The following SMYD3 variants were observed in gnomAD, a reference collection of about 807,000 sequenced individuals.
SMYD3 encodes the protein histone-lysine N-methyltransferase SMYD3.
Under a neutral mutation model 57.7 loss-of-function variants are expected in SMYD3, and 36 were observed. That is an observed-to-expected ratio of 0.62 (90% confidence interval 0.48 to 0.82). The LOEUF is 0.82. Among genes scored for constraint, SMYD3 ranks in the 40% least tolerant of loss-of-function variants. The pLI is 0.00. For synonymous variants in SMYD3, 211 were observed against 195.0 expected (o/e 1.08, Z -0.68); for missense variants, 515 against 538.8 (o/e 0.96, Z 0.44).
At chr1:246,214,188 CAA>C (rs2063129760) in intron 5 of SMYD3, among the ~76,000 whole-genome samples, 1 of 152,112 alleles carries the variant, frequency 6.6e-6, no homozygotes, top group Non-Finnish European at 1.5e-5. Flanking sequence ...TTGAAAAAGA[CAA>C]GAGAGGAGTC....
intron 1 of SMYD3, among the ~76,000 whole-genome samples, chr1:246,408,482 T>A (rs2066905441): frequency 6.6e-6 from 1 of 152,130 alleles, no homozygotes; most frequent in Non-Finnish European, 1.5e-5. Flanking sequence ...TGTTGCTGTT[T>A]CCTATCAATA....
chr1:246,114,240 G>C (rs1182029636), intron 5 of SMYD3, among the ~76,000 whole-genome samples: 1 of 152,156 alleles, frequency 6.6e-6, no homozygotes, highest in Non-Finnish European at 1.5e-5. Flanking sequence ...AACATCCAGT[G>C]GTTTTTCATG....
At chr1:245,971,833 G>A (rs1001939292) in intron 5 of SMYD3, among the ~76,000 whole-genome samples, 5 of 152,148 alleles carry the variant, frequency 3.3e-5, no homozygotes, top group African/African-American at 9.7e-5. Flanking sequence ...CTGTGAAGGA[G>A]GCTAACAAAT....
At position 246,018,149 on chromosome 1, in the gene SMYD3, T is replaced by C. The variant is rs1259246767; in HGVS notation, c.532-88212A>G. Among the ~76,000 whole-genome samples, 4 of 152,196 alleles carry C rather than the reference T, an allele frequency of 2.6e-5. No individual in the cohort carries two copies. The East Asian group carries it at 7.7e-4, about 29-fold the overall frequency. On this transcript the variant is annotated intron_variant, in intron 5 of 11. Coordinates refer to ENST00000490107, the MANE Select transcript of SMYD3 (RefSeq NM_001167740.2). Reference sequence around the variant, plus strand: ...GACACAGCCGGGAAATATACGTATGTGGAACACACAGACACAAAGATCTGC... The same window carrying C: ...GACACAGCCGGGAAATATACGTATGCGGAACACACAGACACAAAGATCTGC...
At position 245,915,646 on chromosome 1, in the gene SMYD3, C is replaced by T. The variant is rs1305873701; in HGVS notation, c.703-6G>A. On this transcript the variant is annotated splice_region_variant and splice_polypyrimidine_tract_variant and intron_variant, in intron 7 of 11. Transcript: ENST00000490107. ...TCCAGGTAGCAGATGGTGAGCTGTG[C>T]AGGCCAGAGAGAGGGAAGCGCTGAA... 2 of 1,598,604 alleles carry T rather than the reference C, an allele frequency of 1.3e-6. No individual in the cohort carries two copies. The highest frequency in any genetic ancestry group is 1.7e-6 in the Non-Finnish European group (2 of 1,166,708).
At chr1:246,059,282 C>T (rs923648065) in intron 5 of SMYD3, among the ~76,000 whole-genome samples, 1 of 151,854 alleles carries the variant, frequency 6.6e-6, no homozygotes, top group Non-Finnish European at 1.5e-5. Flanking sequence ...AAGTGGCAGG[C>T]TTTTGCTAGA....
intron 5 of SMYD3, among the ~76,000 whole-genome samples, chr1:245,988,839 A>C (rs553619560): frequency 6.6e-6 from 1 of 152,342 alleles, no homozygotes; most frequent in African/African-American, 2.4e-5. Flanking sequence ...AGTAGGAGGA[A>C]AGGGAGTATC....
At chr1:246,420,872 TG>T (rs2067133693) in intron 1 of SMYD3, among the ~76,000 whole-genome samples, 1 of 152,222 alleles carries the variant, frequency 6.6e-6, no homozygotes, top group Non-Finnish European at 1.5e-5. Flanking sequence ...ATGCAGTAAT[TG>T]ATGAACTTTA....
intron 11 of SMYD3, among the ~76,000 whole-genome samples, chr1:245,755,191 C>T (rs1323046583): frequency 6.6e-6 from 1 of 152,136 alleles, no homozygotes; most frequent in Non-Finnish European, 1.5e-5. Context: ...AGCTACAAGG[C>T]GTGGATTTGG....
intron 5 of SMYD3, among the ~76,000 whole-genome samples, chr1:246,051,353 T>C (rs1407984361): frequency 6.6e-6 from 1 of 152,048 alleles, no homozygotes; most frequent in African/African-American, 2.4e-5. Context: ...ACTCCTGAGC[T>C]CAAGCAATCC....
At chr1:245,948,069 C>T (rs536407848) in intron 5 of SMYD3, among the ~76,000 whole-genome samples, 16 of 152,212 alleles carry the variant, frequency 1.1e-4, no homozygotes, top group African/African-American at 2.6e-4. Flanking sequence ...GCCAGAACCT[C>T]GGTACTCAGA....
intron 2 of SMYD3, among the ~76,000 whole-genome samples, chr1:246,348,827 A>G (rs1215557067): frequency 6.6e-6 from 1 of 152,192 alleles, no homozygotes; most frequent in Non-Finnish European, 1.5e-5. Flanking sequence ...ACTCAGTGTC[A>G]GTTATTCTAT....
intron 1 of SMYD3, among the ~76,000 whole-genome samples, chr1:246,455,075 C>T (rs2067682519): frequency 6.6e-6 from 1 of 152,098 alleles, no homozygotes; most frequent in Non-Finnish European, 1.5e-5. Flanking sequence ...GCCTGAAATG[C>T]TAAATTTAAT....
intron 8 of SMYD3, among the ~76,000 whole-genome samples, chr1:245,897,007 T>C (rs1248614678): frequency 1.3e-5 from 2 of 152,146 alleles, no homozygotes; most frequent in Non-Finnish European, 1.5e-5. Flanking sequence ...AATCAGAACA[T>C]AAATTCCCTC....
intron 1 of SMYD3, among the ~76,000 whole-genome samples, chr1:246,430,758 A>G (rs572611557): frequency 6.6e-6 from 1 of 152,312 alleles, no homozygotes; most frequent in East Asian, 1.9e-4. Flanking sequence ...GAAATAAATG[A>G]CATTTTCTTA....
intron 11 of SMYD3, among the ~76,000 whole-genome samples, chr1:245,761,357 G>T (rs552359562): frequency 6.6e-6 from 1 of 152,240 alleles, no homozygotes; most frequent in East Asian, 1.9e-4. Flanking sequence ...GAACAGACCT[G>T]GGCATGAGGG....
At chr1:246,009,265 G>A (rs1337345867) in intron 5 of SMYD3, among the ~76,000 whole-genome samples, 5 of 152,122 alleles carry the variant, frequency 3.3e-5, no homozygotes, top group Non-Finnish European at 5.9e-5. Flanking sequence ...ATGTATTGGG[G>A]GCTATACTAA....
intron 5 of SMYD3, 44 bp downstream of exon 5, chr1:246,327,157 A>G: frequency 6.2e-7 from 1 of 1,609,538 alleles, no homozygotes; most frequent in Non-Finnish European, 8.5e-7. Flanking sequence ...TAAGGAGCAA[A>G]TGGTTGATGT....
chr1:245,924,623 G>A (rs541952184), intron 7 of SMYD3, among the ~76,000 whole-genome samples: 1 of 149,062 alleles, frequency 6.7e-6, no homozygotes, highest in South Asian at 2.2e-4. Context: ...AGGACTGCCA[G>A]TCATTTGTAA....
Sources: allele counts gnomAD v4.1 joint callset (sites outside exome capture counted in the v4.1 genomes callset), GRCh38; gene constraint gnomAD v4.1.1; transcripts MANE v1.5; gene names NCBI Gene and HGNC (gene_info 2026-07-23, HGNC 2026-07-21).